Variants in VRK2 observed in about 807,000 individuals in gnomAD.
VRK2 encodes the protein serine/threonine-protein kinase VRK2.
A neutral mutation model predicts 57.6 loss-of-function variants in VRK2; 60 were observed. That is an observed-to-expected ratio of 1.04 (90% CI 0.85 to 1.29). The LOEUF (loss-of-function observed/expected upper bound fraction) is 1.29, where lower values mean the gene tolerates loss of function less well. Among genes scored for constraint, VRK2 ranks in the 50% most tolerant of loss-of-function variants. The probability of loss-of-function intolerance (pLI) is 0.00; values close to 1 mark genes in which losing one functional copy is unlikely to be tolerated. For synonymous variants in VRK2, 231 were observed against 199.2 expected (o/e 1.16, Z -1.35); for missense variants, 705 against 588.1 (o/e 1.20, Z -2.06).
chr2:58,154,812 C>T, intron 12 of VRK2: 4 of 716,942 alleles, frequency 5.6e-6, no homozygotes, highest in Non-Finnish European at 5.2e-6. Flanking sequence ...TGTAAGTATT[C>T]CATGCTATAA....
At chr2:58,086,211 GA>G (rs150862021) in intron 4 of VRK2, 127 bp from the exon 5 acceptor site, 70,844 of 752,670 alleles carry the variant, frequency 0.094, 3,889 homozygotes, top group East Asian at 0.18. Flanking sequence ...ATGTTTGATT[GA>G]AAAAAAATTA....
At chr2:58,029,845 C>A (rs1674059130) in intron 2 of VRK2, among the ~76,000 whole-genome samples, 1 of 152,098 alleles carries the variant, frequency 6.6e-6, no homozygotes, top group African/African-American at 2.4e-5. Context: ...TCTAACACAG[C>A]ACTTATCATT....
At chr2:57,974,645 C>T (rs72947186) in intron 1 of VRK2, among the ~76,000 whole-genome samples, 2,337 of 151,800 alleles carry the variant, frequency 0.015, 90 homozygotes, top group African/African-American at 0.054. Flanking sequence ...GGCAAAGCCA[C>T]TTCAGAGAAA....
intron 12 of VRK2, among the ~76,000 whole-genome samples, chr2:58,158,850 A>G (rs550951510): frequency 4.9e-4 from 74 of 152,170 alleles, no homozygotes; most frequent in Admixed American, 2.6e-4. Flanking sequence ...TCCAAGAGAC[A>G]TAACACTATA....
intron 7 of VRK2, among the ~76,000 whole-genome samples, chr2:58,094,506 G>A (rs1033906344): frequency 1.3e-5 from 2 of 152,160 alleles, no homozygotes; most frequent in Admixed American, 6.5e-5. Flanking sequence ...TTTGCACATT[G>A]ATTTTGTATC....
At chr2:58,056,161 A>G (rs1422947292) in intron 2 of VRK2, among the ~76,000 whole-genome samples, 1 of 151,714 alleles carries the variant, frequency 6.6e-6, no homozygotes. Context: ...TCTAAAATTT[A>G]CAGGAATGCC....
chr2:58,126,624 A>C (rs1462107217), intron 8 of VRK2, among the ~76,000 whole-genome samples: 1 of 152,062 alleles, frequency 6.6e-6, no homozygotes, highest in East Asian at 1.9e-4. Context: ...TTTTTTAAAA[A>C]TTGTGTTTAT....
intron 7 of VRK2, among the ~76,000 whole-genome samples, chr2:58,094,215 G>T (rs1672795888): frequency 6.6e-6 from 1 of 152,134 alleles, no homozygotes; most frequent in Non-Finnish European, 1.5e-5. Flanking sequence ...GTCATTGGTA[G>T]CTTGATGGGG....
intron 1 of VRK2, among the ~76,000 whole-genome samples, chr2:57,943,022 T>A (rs1360520833): frequency 6.6e-6 from 1 of 152,228 alleles, no homozygotes; most frequent in Non-Finnish European, 1.5e-5. Flanking sequence ...TAATTTTATA[T>A]AGGCATTATA....
intron 11 of VRK2, among the ~76,000 whole-genome samples, chr2:58,141,046 G>C (rs988388279): frequency 1.3e-5 from 2 of 151,996 alleles, no homozygotes; most frequent in African/African-American, 4.8e-5. Context: ...TTTACGTATT[G>C]CAGAAGGCAG....
At chr2:57,911,208 G>T (rs1406944174) in intron 1 of VRK2, among the ~76,000 whole-genome samples, 1 of 152,062 alleles carries the variant, frequency 6.6e-6, no homozygotes, top group Non-Finnish European at 1.5e-5. Context: ...GATCCTCAGA[G>T]ATATTCTAGA....
chr2:58,128,075 G>T (rs1327968238), intron 8 of VRK2, among the ~76,000 whole-genome samples: 3 of 152,108 alleles, frequency 2.0e-5, no homozygotes, highest in East Asian at 1.9e-4. Context: ...TTTAACTAAA[G>T]ATCCTTCTTT....
intron 11 of VRK2, among the ~76,000 whole-genome samples, chr2:58,144,016 CAT>C (rs1005329354): frequency 8.0e-5 from 12 of 150,636 alleles, no homozygotes; most frequent in African/African-American, 2.2e-4. Context: ...TACATATACA[CAT>C]ATATATATAC....
intron 2 of VRK2, among the ~76,000 whole-genome samples, chr2:58,079,848 T>C (rs893495736): frequency 2.0e-5 from 3 of 152,022 alleles, no homozygotes; most frequent in African/African-American, 7.2e-5. Flanking sequence ...TCATTTCTAC[T>C]GAGAGATTAT....
intron 1 of VRK2, among the ~76,000 whole-genome samples, chr2:57,990,397 G>A (rs1672726191): frequency 6.6e-6 from 1 of 152,160 alleles, no homozygotes; most frequent in Non-Finnish European, 1.5e-5. Context: ...GACCTGTCTT[G>A]TACTGAAAAT....
chr2:57,950,363 T>TA (rs758561805), intron 1 of VRK2, among the ~76,000 whole-genome samples: 1 of 152,216 alleles, frequency 6.6e-6, no homozygotes, highest in African/African-American at 2.4e-5. Flanking sequence ...AATGCTCACT[T>TA]ACCATTCAGC....
chr2:58,084,218 T>A, intron 3 of VRK2, 80 bp downstream of exon 3: 1 of 1,429,100 alleles, frequency 7.0e-7, no homozygotes, highest in Non-Finnish European at 9.6e-7. Context: ...TTCACGTTAA[T>A]TTTTGTAACT....
intron 2 of VRK2, among the ~76,000 whole-genome samples, chr2:58,062,223 A>G (rs142734045): frequency 5.3e-5 from 8 of 152,156 alleles, no homozygotes; most frequent in African/African-American, 1.7e-4. Context: ...AACTGCACCC[A>G]TACAAGACGG....
chr2:58,084,289 T>A, intron 3 of VRK2, 151 bp downstream of exon 3: 1 of 786,532 alleles, frequency 1.3e-6, no homozygotes, highest in Non-Finnish European at 1.9e-6. Context: ...ACATTAAAAC[T>A]GGAGAACCTT....
Sources: gnomAD v4.1 joint callset for allele counts (sites outside exome capture counted in the v4.1 genomes callset) on GRCh38, gnomAD v4.1.1 for gene constraint, MANE v1.5 for transcripts, NCBI Gene and HGNC (gene_info 2026-07-23, HGNC 2026-07-21) for gene names.